The following ARPP19 variants were observed in gnomAD, a reference collection of about 807,000 sequenced individuals.
ARPP19 encodes cAMP-regulated phosphoprotein 19.
Under a neutral mutation model 12.0 loss-of-function variants are expected in ARPP19, and 8 were observed. The ratio of observed to expected loss-of-function variants is 0.67; its 90% CI spans 0.39 to 1.21. The LOEUF (loss-of-function observed/expected upper bound fraction) is 1.21, where lower values mean the gene tolerates loss of function less well. Among genes scored for constraint, ARPP19 ranks in the 50% most tolerant of loss-of-function variants. ARPP19 has a pLI of 0.01. For missense variants in ARPP19, 102 were observed against 136.3 expected (o/e 0.75, Z 1.25); for synonymous variants, 47 against 50.4 (o/e 0.93, Z 0.29).
upstream of ARPP19, among the ~76,000 whole-genome samples, chr15:52,569,418 CT>C (rs2078120698): frequency 6.6e-6 from 1 of 152,248 alleles, no homozygotes; most frequent in Admixed American, 6.5e-5. Flanking sequence ...TCTGCCACGC[CT>C]TCACATCTCC....
rs1448821921 is a variant in ARPP19 at position 52,550,976 on chromosome 15, A to C, written c.*958T>G. On this transcript the variant is annotated 3_prime_UTR_variant, in exon 3 of 3. Transcript: ENST00000249822. ...ATATCGTATTTGCACAAGGCCACTG[A>C]ATGTCATGGATATTAGTAACAAATG... is the stretch of plus-strand genomic sequence containing the variant. 1 of 152,696 alleles carries C rather than the reference A, an allele frequency of 6.5e-6. No homozygotes were observed. The highest frequency in any genetic ancestry group is 1.5e-5 in the Non-Finnish European group (1 of 68,046). The allele number at this position is 152,696 out of a possible 1,614,324, so 9.5% of individuals were successfully genotyped here. A position where few individuals can be genotyped will look rare whatever the true frequency, so the allele number is the denominator to read the frequency against.
upstream of ARPP19, chr15:52,569,181 C>G (rs550581056): frequency 1.4e-3 from 619 of 446,184 alleles, 10 homozygotes; most frequent in Non-Finnish European, 7.9e-4. Flanking sequence ...GGTCGCCGCT[C>G]CTGCCTCACC....
chr15:52,564,389 G>C (rs1013668552), intron 1 of ARPP19: 1 of 641,668 alleles, frequency 1.6e-6, no homozygotes, highest in African/African-American at 1.8e-5. Context: ...CCCAGCCTGG[G>C]CGACAGAGTA....
chr15:52,552,148 T>C (rs756966368), intron 2 of ARPP19, 44 bp from the exon 3 acceptor site: 5 of 1,244,698 alleles, frequency 4.0e-6, no homozygotes, highest in Non-Finnish European at 5.9e-6. Context: ...GCTTAGCAAT[T>C]ACTGATTTAA....
intron 2 of ARPP19, among the ~76,000 whole-genome samples, chr15:52,553,157 C>A (rs566527239): frequency 1.3e-5 from 2 of 152,214 alleles, no homozygotes; most frequent in East Asian, 1.9e-4. Flanking sequence ...TTATTTAGAA[C>A]AAGTGTTTCT....
chr15:52,560,116 T>A (rs1307425166), intron 1 of ARPP19, among the ~76,000 whole-genome samples: 4 of 152,194 alleles, frequency 2.6e-5, no homozygotes, highest in African/African-American at 9.7e-5. Context: ...TTCTGCAGGT[T>A]TCCTCCATTT....
At chr15:52,564,219 G>C (rs2078060744) in intron 1 of ARPP19, 2 of 1,534,852 alleles carry the variant, frequency 1.3e-6, no homozygotes, top group South Asian at 1.2e-5. Flanking sequence ...GATGGTTGCA[G>C]AGACCAAGGG....
At chr15:52,568,580 C>G in intron 1 of ARPP19, 1 of 427,224 alleles carries the variant, frequency 2.3e-6, no homozygotes, top group South Asian at 5.3e-5. Flanking sequence ...GTCCTGGGCT[C>G]TCGCGTAAAT....
intron 1 of ARPP19, chr15:52,568,572 C>T (rs975001487): frequency 6.2e-5 from 26 of 419,784 alleles, no homozygotes; most frequent in Middle Eastern, 6.0e-4. Flanking sequence ...AAGCCTGCGT[C>T]CTGGGCTCTC....
At chr15:52,555,654 A>C (rs1224393754) in intron 2 of ARPP19, among the ~76,000 whole-genome samples, 1 of 152,028 alleles carries the variant, frequency 6.6e-6, no homozygotes. Flanking sequence ...ATAAGAGATT[A>C]TTGATTTGAA....
intron 1 of ARPP19, among the ~76,000 whole-genome samples, chr15:52,561,262 T>C (rs192535428): frequency 2.0e-4 from 31 of 152,360 alleles, no homozygotes; most frequent in Non-Finnish European, 3.8e-4. Flanking sequence ...CCAATAGTTA[T>C]TTATTTGTTT....
Position 52,559,780 on chromosome 15 carries a change from G to A in ARPP19, c.46-2558C>T, listed in dbSNP as rs546801974. Among the ~76,000 whole-genome samples the A allele has an allele frequency of 6.6e-5, 10 of 152,322 alleles. No homozygotes were observed. The East Asian group carries it at 1.9e-3, about 29-fold the overall frequency. Reference sequence around the variant, plus strand: ...TGCAGATATCTACTGCAGCCCAAGGGTGTTCTCAGTGCTGCAGTTTAGAAG... The same window carrying A: ...TGCAGATATCTACTGCAGCCCAAGGATGTTCTCAGTGCTGCAGTTTAGAAG... On this transcript the variant is annotated intron_variant, in intron 1 of 2. Coordinates refer to ENST00000249822, the MANE Select transcript of ARPP19 (RefSeq NM_006628.6).
At chr15:52,554,452 C>CTAAAT (rs5812613) in intron 2 of ARPP19, among the ~76,000 whole-genome samples, 145,425 of 152,132 alleles carry the variant, frequency 0.96, 69,840 homozygotes, top group East Asian at 1. Context: ...GAGAAGTGAA[C>CTAAAT]TAATGTTTAT....
intron 1 of ARPP19, among the ~76,000 whole-genome samples, chr15:52,562,337 G>A (rs2140246828): frequency 6.6e-6 from 1 of 152,066 alleles, no homozygotes; most frequent in South Asian, 2.1e-4. Context: ...ATCTATGACT[G>A]CAATTCATTA....
At chr15:52,553,387 G>A (rs1254537738) in intron 2 of ARPP19, among the ~76,000 whole-genome samples, 1 of 151,948 alleles carries the variant, frequency 6.6e-6, no homozygotes, top group African/African-American at 2.4e-5. Context: ...AAATTGTGAT[G>A]AGAGCTAAAC....
rs61295488 is a variant in ARPP19, at chr15:52,554,808, C to T, written c.168+2292G>A. Among the ~76,000 whole-genome samples, 389 of 152,132 alleles carry T rather than the reference C, an allele frequency of 2.6e-3. 5 individuals are homozygous for T. Among genetic ancestry groups the T allele is most frequent in the African/African-American group, 8.7e-3 (363 of 41,524 alleles). ...ACAGGCCACACAGCTTCTTGATATC[C>T]CTCCCAGCTCTGATAATCTATGTAG... On this transcript the variant is annotated intron_variant, in intron 2 of 2. Coordinates refer to ENST00000249822, the MANE Select transcript of ARPP19 (RefSeq NM_006628.6).
intron 1 of ARPP19, among the ~76,000 whole-genome samples, chr15:52,566,497 T>C (rs753117248): frequency 4.6e-5 from 7 of 152,150 alleles, no homozygotes; most frequent in Non-Finnish European, 8.8e-5. Context: ...TAGCTCACTG[T>C]AGCCTCGAAC....
chr15:52,569,292 T>C (rs888917094), upstream of ARPP19: 1 of 260,140 alleles, frequency 3.8e-6, no homozygotes, highest in Non-Finnish European at 7.4e-6. Context: ...CCCCTCGTTC[T>C]AGGAGCTTTA....
rs2077934029 is a variant in ARPP19, at chr15:52,551,807, CACT to C, written c.*124_*126del. The C allele has an allele frequency of 2.8e-6, 2 of 719,922 alleles. No homozygotes were observed. Among genetic ancestry groups the C allele is most frequent in the East Asian group, 5.0e-5 (2 of 40,222 alleles). 44.6% of individuals were successfully genotyped at this position (719,922 alleles called of 1,614,324 possible). A position where few individuals can be genotyped will look rare whatever the true frequency, so the allele number is the denominator to read the frequency against. On this transcript the variant is annotated 3_prime_UTR_variant, in exon 3 of 3. Coordinates refer to ENST00000249822, the MANE Select transcript of ARPP19 (RefSeq NM_006628.6). ...ACGTATATTCCACAATAGCAGCACA[CACT>C]ACTGCTACCTGCAAAGCTGTCAGTC...
Sources: gnomAD v4.1 joint callset for allele counts (sites outside exome capture counted in the v4.1 genomes callset) on GRCh38, gnomAD v4.1.1 for gene constraint, MANE v1.5 for transcripts, NCBI Gene and HGNC (gene_info 2026-07-23, HGNC 2026-07-21) for gene names.